The following CFAP74 variants were observed in gnomAD, a reference collection of about 807,000 sequenced individuals.
CFAP74 encodes the protein cilia and flagella associated protein 74, also known as cilia- and flagella-associated protein 74.
Under a neutral mutation model 188.9 loss-of-function variants are expected in CFAP74, and 124 were observed. The observed-to-expected ratio is 0.66, with a 90% CI of 0.57 to 0.76. The LOEUF is 0.76. CFAP74 is among the 30% of genes least tolerant of loss of function. The probability of loss-of-function intolerance (pLI) is 0.00; values close to 1 mark genes in which losing one functional copy is unlikely to be tolerated. For missense variants in CFAP74, 2,198 were observed against 2,165.2 expected (o/e 1.02, Z -0.30); for synonymous variants, 956 against 916.7 (o/e 1.04, Z -0.77).
Position 1,980,540 on chromosome 1 carries a change from T to C in CFAP74, c.500+4846A>G, listed in dbSNP as rs139758484. Among the ~76,000 whole-genome samples, 327 of 152,304 alleles carry C rather than the reference T, an allele frequency of 2.1e-3. 34 individuals are homozygous for C. Among genetic ancestry groups the C allele is most frequent in the Non-Finnish European group, 3.8e-3 (259 of 67,996 alleles). On this transcript the variant is annotated intron_variant, in intron 6 of 38. Transcript: ENST00000682832. ...ACAGGGATGGGACCTGCGCAGGCGC[T>C]GAGGACCGGGAGGTGGTGTGAGCGG...
At chr1:1,978,096 C>T (rs556676699) in intron 6 of CFAP74, among the ~76,000 whole-genome samples, 13 of 152,372 alleles carry the variant, frequency 8.5e-5, no homozygotes, top group African/African-American at 2.2e-4. Flanking sequence ...GATCTGCCCA[C>T]CTTGGCCTCC....
At chr1:1,976,189 G>A (rs762724096) in intron 6 of CFAP74, among the ~76,000 whole-genome samples, 4 of 152,172 alleles carry the variant, frequency 2.6e-5, no homozygotes, top group Admixed American at 6.5e-5. Flanking sequence ...TCTTCCTGCC[G>A]TCACCTCCAG....
Position 1,988,953 on chromosome 1 carries a change from G to T in CFAP74, c.88C>A (p.Pro30Thr). The T allele has an allele frequency of 6.4e-7, 1 of 1,572,954 alleles. No homozygotes were observed. The highest frequency in any genetic ancestry group is 8.7e-7 in the Non-Finnish European group (1 of 1,153,304). ...LEDERDELED[P>T]EFDIKCLLQE... is the part of the protein sequence containing the mutation. ...AGAAGACATTTGATGTCAAACTCCG[G>T]ATCCTCTAATTCATCTCTTTCTAGA... The change falls in exon 3 of 39, where the codon CCG becomes ACG. Residue 30 changes from proline to threonine, a missense_variant. By Grantham distance (38) the Pro-to-Thr change is conservative. Transcript: ENST00000682832.
chr1:1,932,684 C>G (rs1436012478), intron 25 of CFAP74, among the ~76,000 whole-genome samples: 1 of 151,130 alleles, frequency 6.6e-6, no homozygotes, highest in Non-Finnish European at 1.5e-5. Flanking sequence ...ACCTCCGCCT[C>G]CCGGGTTCAA....
At chr1:1,992,280 T>G (rs1365055581) in intron 1 of CFAP74, among the ~76,000 whole-genome samples, 1 of 151,958 alleles carries the variant, frequency 6.6e-6, no homozygotes, top group Non-Finnish European at 1.5e-5. Context: ...TCTTCCCGCC[T>G]CAGCTTCACA....
chr1:1,957,297 C>T (rs1654712734), intron 16 of CFAP74, among the ~76,000 whole-genome samples: 1 of 152,196 alleles, frequency 6.6e-6, no homozygotes, highest in Non-Finnish European at 1.5e-5. Flanking sequence ...AATGGCCCCT[C>T]CTCGGGAGGC....
At position 1,966,504 on chromosome 1, in the gene CFAP74, G is replaced by A; in HGVS notation, c.1268C>T (p.Pro423Leu). ...GACTTCCAGCAACCGAGAGGGCCCG[G>A]GGCCTGCAGCAGCCTCGTAGTCCTG... ...YTLDYEAAAG[P>L]GPSRLLEVVS... The change falls in exon 12 of 39, where the codon CCC (proline) becomes CTC (leucine). Residue 423 changes from proline (P) to leucine (L), a missense_variant. Pro to Leu is a moderately conservative substitution (Grantham distance 98). Coordinates refer to ENST00000682832, the MANE Select transcript of CFAP74 (RefSeq NM_001304360.2). 1 of 1,580,838 alleles carries A rather than the reference G, an allele frequency of 6.3e-7. No homozygotes were observed. Among genetic ancestry groups the A allele is most frequent in the Non-Finnish European group, 8.6e-7 (1 of 1,160,756 alleles).
In CFAP74 at chr1:1,968,877, C is replaced by T. The variant is rs778348963; in HGVS notation, c.1047-44G>A. The T allele has an allele frequency of 6.3e-6, 10 of 1,591,048 alleles. No homozygotes were observed. Among genetic ancestry groups the T allele is most frequent in the South Asian group, 4.4e-5 (4 of 90,232 alleles). On this transcript the variant is annotated intron_variant, in intron 10 of 38. Transcript: ENST00000682832. The surrounding 1 kb of genome is among the most constrained non-coding windows in gnomAD (Gnocchi z 4.3). ...CAGATGAGTGCAAGAGGTCCCCTGCCTCCACCTTGCCCCAGATGAGACAGT... is the reference window on the plus strand; with the variant it reads ...CAGATGAGTGCAAGAGGTCCCCTGCTTCCACCTTGCCCCAGATGAGACAGT...
chr1:1,940,470 C>T (rs1368463193), intron 22 of CFAP74, 67 bp from the exon 23 acceptor site: 2 of 1,100,284 alleles, frequency 1.8e-6, no homozygotes, highest in East Asian at 2.7e-5. Context: ...ATAAGACCCA[C>T]TGTCACTGGT....
rs1444939271 is a variant in CFAP74 at position 1,942,658 on chromosome 1, G to A, written c.2487-502C>T. 1.3e-5 allele frequency among the ~76,000 whole-genome samples: 2 copies of A among 152,148 alleles called. No homozygotes were observed. The highest frequency in any genetic ancestry group is 2.1e-4 in the South Asian group (1 of 4,830). On this transcript the variant is annotated intron_variant, in intron 21 of 38. Transcript: ENST00000682832. This position sits in a 1 kb window ranked among gnomAD's most constrained non-coding sequence, Gnocchi z 4.3. ...CGAGCCTGAGAGAGCCAAGGTACCCGCCAGTCACCTGGGAGGCCATGCGTC... is the reference window on the plus strand; with the variant it reads ...CGAGCCTGAGAGAGCCAAGGTACCCACCAGTCACCTGGGAGGCCATGCGTC...
At chr1:1,963,622 C>T (rs904710498) in intron 14 of CFAP74, 127 bp downstream of exon 14, 16 of 604,498 alleles carry the variant, frequency 2.6e-5, no homozygotes, top group South Asian at 4.5e-5. Flanking sequence ...ACAAAATCTT[C>T]GTGAAAATCG....
chr1:1,972,137 G>A, intron 8 of CFAP74, 55 bp from the exon 9 acceptor site: 1 of 1,363,164 alleles, frequency 7.3e-7, no homozygotes, highest in Non-Finnish European at 1.0e-6. Flanking sequence ...CTGGTGTGCA[G>A]TGGTGCGATC....
chr1:1,968,886 GC>G lies in CFAP74; in HGVS notation c.1047-54del. On this transcript the variant is annotated intron_variant, in intron 10 of 38. Coordinates refer to ENST00000682832, the MANE Select transcript of CFAP74 (RefSeq NM_001304360.2). The surrounding 1 kb of genome is among the most constrained non-coding windows in gnomAD (Gnocchi z 4.3). ...GCAAGAGGTCCCCTGCCTCCACCTT[GC>G]CCCAGATGAGACAGTGCCCGGCGGC... 6.4e-7 allele frequency: 1 copy of G among 1,573,380 alleles called. No individual in the cohort carries two copies. Among genetic ancestry groups the G allele is most frequent in the Non-Finnish European group, 8.7e-7 (1 of 1,149,760 alleles).
chr1:1,980,067 CCG>C (rs1280717729), intron 6 of CFAP74, among the ~76,000 whole-genome samples: 1 of 147,536 alleles, frequency 6.8e-6, no homozygotes, highest in Admixed American at 6.8e-5. Flanking sequence ...CACCCTCTTA[CCG>C]CGTGGGGAGG....
intron 1 of CFAP74, among the ~76,000 whole-genome samples, chr1:2,001,496 A>T (rs1039240112): frequency 6.6e-6 from 1 of 151,870 alleles, no homozygotes. Flanking sequence ...CACCTGGCTA[A>T]TTTTTGTATT....
At position 1,993,930 on chromosome 1, in the gene CFAP74, C is replaced by G. The variant is rs374321343; in HGVS notation, c.-19-2955G>C. ...CCGGGAGGCGGAGCTTGCAGTGAGC[C>G]GAGATCACACCACTGCACTCCAGCC... On this transcript the variant is annotated intron_variant, in intron 1 of 38. Coordinates refer to ENST00000682832, the MANE Select transcript of CFAP74 (RefSeq NM_001304360.2). Among the ~76,000 whole-genome samples, 4 of 150,142 alleles carry G rather than the reference C, an allele frequency of 2.7e-5. No homozygotes were observed. In the East Asian group the frequency reaches 5.9e-4, roughly 22 times the overall value.
intron 18 of CFAP74, among the ~76,000 whole-genome samples, chr1:1,949,312 C>T (rs998782887): frequency 1.3e-5 from 2 of 151,818 alleles, no homozygotes; most frequent in African/African-American, 2.4e-5. Flanking sequence ...GTGCGTGCCA[C>T]GATGTCTGGC....
At position 1,927,038 on chromosome 1, in the gene CFAP74, A is replaced by T; in HGVS notation, c.3528-10T>A. ...CTGGTACTCGTCGGAACTAGAAGGA[A>T]GTCAGAGGCTTGCGCTCCCGCCTTG... is the stretch of plus-strand genomic sequence containing the variant. On this transcript the variant is annotated splice_polypyrimidine_tract_variant and intron_variant, in intron 28 of 38. Coordinates refer to ENST00000682832, the MANE Select transcript of CFAP74 (RefSeq NM_001304360.2). 6.5e-7 allele frequency: 1 copy of T among 1,550,160 alleles called. No homozygotes were observed. The highest frequency in any genetic ancestry group is 1.2e-5 in the South Asian group (1 of 84,068).
intron 6 of CFAP74, among the ~76,000 whole-genome samples, chr1:1,978,189 A>G (rs2102089446): frequency 6.6e-6 from 1 of 152,306 alleles, no homozygotes; most frequent in East Asian, 1.9e-4. Flanking sequence ...TATAGAAGAC[A>G]TGTTCTTCAT....
Sources: gnomAD v4.1 joint callset for allele counts (sites outside exome capture counted in the v4.1 genomes callset) on GRCh38, gnomAD v4.1.1 for gene constraint, Gnocchi (gnomAD v3.1) non-coding constraint, MANE v1.5 for transcripts, NCBI Gene and HGNC (gene_info 2026-07-23, HGNC 2026-07-21) for gene names.